The following NMU variants were observed in gnomAD, a reference collection of about 807,000 sequenced individuals.
NMU encodes neuromedin U.
In NMU, 29 loss-of-function variants were observed where a neutral mutation model predicts 35.4. The ratio of observed to expected loss-of-function variants is 0.82; its 90% CI spans 0.61 to 1.12. The LOEUF (loss-of-function observed/expected upper bound fraction) is 1.12. Among genes scored for constraint, NMU ranks in the 50% most tolerant of loss-of-function variants. The probability of loss-of-function intolerance (pLI) is 0.00; values close to 1 mark genes in which losing one functional copy is unlikely to be tolerated. For synonymous variants in NMU, 78 were observed against 81.3 expected (o/e 0.96, Z 0.22); for missense variants, 199 against 206.2 (o/e 0.97, Z 0.21).
chr4:55,597,066 T>G (rs1388508722), intron 9 of NMU, among the ~76,000 whole-genome samples: 1 of 152,162 alleles, frequency 6.6e-6, no homozygotes, highest in Non-Finnish European at 1.5e-5. Context: ...CTTGAGTTGC[T>G]GGAACAAATC....
At chr4:55,614,852 A>G (rs569620784) in intron 3 of NMU, among the ~76,000 whole-genome samples, 1 of 152,374 alleles carries the variant, frequency 6.6e-6, no homozygotes, top group South Asian at 2.1e-4. Flanking sequence ...TTATTAATAT[A>G]TATCTGCCAA....
intron 9 of NMU, among the ~76,000 whole-genome samples, chr4:55,598,703 T>C (rs1183720995): frequency 2.6e-5 from 4 of 152,226 alleles, no homozygotes; most frequent in Non-Finnish European, 5.9e-5. Context: ...TTATAAAGAA[T>C]CTTTGAGTAT....
chr4:55,619,254 C>G (rs973843858), intron 2 of NMU, among the ~76,000 whole-genome samples: 9 of 149,106 alleles, frequency 6.0e-5, no homozygotes, highest in Admixed American at 1.3e-4. Context: ...TCTGAGGTAC[C>G]GGGTTCATCT....
Position 55,636,120 on chromosome 4 carries a change from G to C in NMU, c.73C>G (p.Leu25Val), listed in dbSNP as rs1288776744. The change falls in exon 1 of 10, where the codon CTG becomes GTG. Residue 25 changes from leucine to valine, a missense_variant. Coordinates refer to ENST00000264218, the MANE Select transcript of NMU (RefSeq NM_006681.4). The surrounding 1 kb of genome is among the most constrained non-coding windows in gnomAD (Gnocchi z 4.0). The part of the protein sequence containing the change: ...QVAAASPLLL[L>V]LLLLAWCAGA... ...GCGCACCAGGCGAGCAGCAGCAGCA[G>C]CAGCAGGAGCGGGGACGCCGCGGCC... 2 of 1,528,762 alleles carry C rather than the reference G, an allele frequency of 1.3e-6. No individual in the cohort carries two copies. Among genetic ancestry groups the C allele is most frequent in the Non-Finnish European group, 8.7e-7 (1 of 1,143,832 alleles). 94.7% of individuals were successfully genotyped at this position (1,528,762 alleles called of 1,614,324 possible).
At chr4:55,604,097 G>C (rs941747788) in intron 7 of NMU, among the ~76,000 whole-genome samples, 3 of 118,256 alleles carry the variant, frequency 2.5e-5, no homozygotes, top group African/African-American at 6.7e-5. Flanking sequence ...ACAGAGTCTC[G>C]CGCTGTCACT....
chr4:55,619,964 A>C lies in NMU; in HGVS notation c.172-3579T>G, dbSNP rs1055168646. 3.4e-5 allele frequency among the ~76,000 whole-genome samples: 5 copies of C among 148,758 alleles called. 1 individual carries two copies. The highest frequency in any genetic ancestry group is 7.4e-5 in the African/African-American group (3 of 40,778). ...CCTGCAGCTGAGGGCCCTGTCTGTT[A>C]GAAGGAAAACTAACAACCAGAAAGG... On this transcript the variant is annotated intron_variant, in intron 2 of 9. Transcript: ENST00000264218.
At chr4:55,606,338 A>T (rs1733681664) in intron 6 of NMU, among the ~76,000 whole-genome samples, 1 of 152,220 alleles carries the variant, frequency 6.6e-6, no homozygotes, top group Admixed American at 6.5e-5. Flanking sequence ...TAACATTTTT[A>T]AAACCCATGC....
intron 2 of NMU, among the ~76,000 whole-genome samples, chr4:55,627,623 A>AT (rs1734585667): frequency 6.6e-6 from 1 of 152,182 alleles, no homozygotes; most frequent in Non-Finnish European, 1.5e-5. Context: ...ATACTTACAG[A>AT]TTTTGTCACC....
chr4:55,609,309 T>G, intron 3 of NMU, 130 bp from the exon 4 acceptor site: 1 of 722,630 alleles, frequency 1.4e-6, no homozygotes, highest in Non-Finnish European at 2.4e-6. Flanking sequence ...CTGTAGATTA[T>G]TAAAACTGTT....
At chr4:55,596,395 A>C (rs1457749144) in intron 9 of NMU, among the ~76,000 whole-genome samples, 7 of 150,694 alleles carry the variant, frequency 4.6e-5, no homozygotes, top group Admixed American at 3.3e-4. Context: ...TCACCAAATC[A>C]TGGATTAAGT....
chr4:55,616,820 T>G (rs1316455875), intron 2 of NMU, among the ~76,000 whole-genome samples: 1 of 152,176 alleles, frequency 6.6e-6, no homozygotes, highest in Non-Finnish European at 1.5e-5. Context: ...ATAAACAGCA[T>G]ACCAGAAAAA....
chr4:55,625,330 A>G (rs1012022726), intron 2 of NMU, among the ~76,000 whole-genome samples: 10 of 151,890 alleles, frequency 6.6e-5, no homozygotes, highest in Non-Finnish European at 1.2e-4. Flanking sequence ...TATTTTTCCA[A>G]TTATTTTCCA....
At position 55,599,125 on chromosome 4, in the gene NMU, A is replaced by C. The variant is rs562466739; in HGVS notation, c.*4+17T>G. The C allele has an allele frequency of 6.5e-7, 1 of 1,546,778 alleles. No individual in the cohort carries two copies. Among genetic ancestry groups the C allele is most frequent in the African/African-American group, 1.4e-5 (1 of 72,990 alleles). On this transcript the variant is annotated intron_variant, in intron 9 of 9. Coordinates refer to ENST00000264218, the MANE Select transcript of NMU (RefSeq NM_006681.4). ...TACTATTTTATTTATTTATTTGTTT[A>C]TTTATTTCTCACATACCATTTTAAA...
At chr4:55,607,594 A>G in intron 4 of NMU, 128 bp from the exon 5 acceptor site, 1 of 353,544 alleles carries the variant, frequency 2.8e-6, no homozygotes, top group African/African-American at 2.1e-5. Context: ...TATAAAATAC[A>G]AGACTGAAAT....
At position 55,605,290 on chromosome 4, in the gene NMU, C is replaced by T. The variant is rs1257985810; in HGVS notation, c.420G>A (p.Lys140=). Residue 140 remains lysine, a synonymous_variant, in exon 7 of 10, where the codon AAG becomes AAA. Coordinates refer to ENST00000264218, the MANE Select transcript of NMU (RefSeq NM_006681.4). ...TATTACATACGTCCACTCTGAATCT[C>T]TTCATTCTTCTCTCATGCAGGTGAG... is the stretch of plus-strand genomic sequence containing the variant. ...LVPHLHERRM[K]RFRVDEEFQS... The T allele has an allele frequency of 6.2e-7, 1 of 1,613,030 alleles. No homozygotes were observed. Among genetic ancestry groups the T allele is most frequent in the East Asian group, 2.2e-5 (1 of 44,872 alleles).
chr4:55,617,108 A>G (rs748223997), intron 2 of NMU, among the ~76,000 whole-genome samples: 9 of 152,146 alleles, frequency 5.9e-5, no homozygotes, highest in Non-Finnish European at 1.3e-4. Context: ...ACTGGAAAAA[A>G]ATGGTACTGA....
At chr4:55,629,126 T>C (rs1170771320) in intron 2 of NMU, among the ~76,000 whole-genome samples, 1 of 152,226 alleles carries the variant, frequency 6.6e-6, no homozygotes, top group African/African-American at 2.4e-5. Flanking sequence ...TATTGCATTA[T>C]AACTGGAAAA....
intron 7 of NMU, among the ~76,000 whole-genome samples, chr4:55,604,679 A>ATTATTT (rs1733604126): frequency 2.1e-5 from 1 of 47,612 alleles, no homozygotes; most frequent in African/African-American, 1.2e-4. Context: ...TGCCTGGCTA[A>ATTATTT]TTTTTTTTTT....
At chr4:55,599,330 C>T (rs1485016620) in intron 8 of NMU, 149 bp from the exon 9 acceptor site, 12 of 647,686 alleles carry the variant, frequency 1.9e-5, no homozygotes, top group Non-Finnish European at 3.4e-5. Context: ...GACCCCATAG[C>T]CAGAATTTCT....
Sources: gnomAD v4.1 joint callset for allele counts (sites outside exome capture counted in the v4.1 genomes callset) on GRCh38, gnomAD v4.1.1 for gene constraint, Gnocchi (gnomAD v3.1) non-coding constraint, MANE v1.5 for transcripts, NCBI Gene and HGNC (gene_info 2026-07-23, HGNC 2026-07-21) for gene names.